VTA1: variants seen among roughly 807,000 people sequenced by gnomAD.
VTA1 encodes vacuolar protein sorting-associated protein VTA1 homolog.
Under a neutral mutation model 36.9 loss-of-function variants are expected in VTA1, and 24 were observed. That is an observed-to-expected ratio of 0.65 (90% CI 0.47 to 0.91). VTA1 has a LOEUF of 0.91. Ranked by LOEUF, VTA1 falls within the 40% of genes least tolerant of loss-of-function variation. The probability of loss-of-function intolerance (pLI) is 0.00; values close to 1 mark genes in which losing one functional copy is unlikely to be tolerated. For missense variants in VTA1, 393 were observed against 377.2 expected (o/e 1.04, Z -0.35); for synonymous variants, 142 against 130.2 (o/e 1.09, Z -0.62).
chr6:142,161,868 T>G (rs1385955168), intron 1 of VTA1, among the ~76,000 whole-genome samples: 1 of 152,180 alleles, frequency 6.6e-6, no homozygotes, highest in Non-Finnish European at 1.5e-5. Context: ...TTATTAATAG[T>G]AGAAAATGTA....
At position 142,220,896 on chromosome 6, in the gene VTA1, A is replaced by C. The variant is rs941300275; in HGVS notation, c.*2253A>C. 6.6e-6 allele frequency: 1 copy of C among 152,016 alleles called. No individual in the cohort carries two copies. The highest frequency in any genetic ancestry group is 2.4e-5 in the African/African-American group (1 of 41,376). 9.4% of individuals were successfully genotyped at this position (152,016 alleles called of 1,614,324 possible). A position where few individuals can be genotyped will look rare whatever the true frequency, so the allele number is the denominator to read the frequency against. On this transcript the variant is annotated 3_prime_UTR_variant, in exon 8 of 8. Transcript: ENST00000367630. ...AGGAAAAAAAGTCCCTCCCTCATAG[A>C]GTTTACATTCTAAAAGGGAGGAAAT... is the stretch of plus-strand genomic sequence containing the variant.
At chr6:142,195,625 G>A (rs530160817) in intron 5 of VTA1, among the ~76,000 whole-genome samples, 2 of 137,600 alleles carry the variant, frequency 1.5e-5, no homozygotes, top group Non-Finnish European at 3.1e-5. Context: ...TAGCTTCTTA[G>A]GGAGGAAATG....
chr6:142,215,914 A>C (rs1775995905), intron 7 of VTA1, among the ~76,000 whole-genome samples: 1 of 152,158 alleles, frequency 6.6e-6, no homozygotes, highest in African/African-American at 2.4e-5. Flanking sequence ...TGATAGTTCT[A>C]GCTCTCTTCT....
intron 7 of VTA1, among the ~76,000 whole-genome samples, chr6:142,213,955 T>C (rs780183924): frequency 6.6e-6 from 1 of 152,202 alleles, no homozygotes; most frequent in Non-Finnish European, 1.5e-5. Context: ...TCTTTACTTA[T>C]GCACATTTGG....
intron 1 of VTA1, among the ~76,000 whole-genome samples, chr6:142,160,940 C>T (rs943346977): frequency 2.0e-5 from 3 of 152,052 alleles, no homozygotes; most frequent in African/African-American, 7.2e-5. Flanking sequence ...ATTTTCATTA[C>T]ATCATTTAAT....
At chr6:142,158,891 TC>T (rs1261765719) in intron 1 of VTA1, among the ~76,000 whole-genome samples, 2 of 152,168 alleles carry the variant, frequency 1.3e-5, no homozygotes, top group East Asian at 3.8e-4. Flanking sequence ...TACTGTCTTT[TC>T]CCCTCTCATA....
At chr6:142,169,813 G>A (rs1358414119) in intron 3 of VTA1, 136 bp downstream of exon 3, 19 of 779,122 alleles carry the variant, frequency 2.4e-5, no homozygotes, top group Admixed American at 1.6e-4. Context: ...CAAACCTCAC[G>A]GTGATTTTAG....
chr6:142,208,326 A>T (rs1775835761), intron 7 of VTA1, among the ~76,000 whole-genome samples: 1 of 152,152 alleles, frequency 6.6e-6, no homozygotes, highest in South Asian at 2.1e-4. Flanking sequence ...TCAACAACAG[A>T]ATGAAGTAAG....
At chr6:142,148,524 A>G (rs1778503850) in intron 1 of VTA1, among the ~76,000 whole-genome samples, 1 of 152,188 alleles carries the variant, frequency 6.6e-6, no homozygotes, top group Non-Finnish European at 1.5e-5. Context: ...GTCCATATTC[A>G]TTCAGTATGT....
At chr6:142,215,313 C>T (rs768175596) in intron 7 of VTA1, among the ~76,000 whole-genome samples, 2 of 151,848 alleles carry the variant, frequency 1.3e-5, no homozygotes, top group African/African-American at 2.4e-5. Flanking sequence ...TGGTGGTGGG[C>T]GCCTGTAGTC....
At chr6:142,159,436 T>A (rs1774737445) in intron 1 of VTA1, among the ~76,000 whole-genome samples, 1 of 150,960 alleles carries the variant, frequency 6.6e-6, no homozygotes, top group South Asian at 2.1e-4. Flanking sequence ...TCTTTTTTGG[T>A]GTCTATACTA....
intron 1 of VTA1, among the ~76,000 whole-genome samples, chr6:142,165,006 T>G (rs73572396): frequency 6.6e-6 from 1 of 152,332 alleles, no homozygotes; most frequent in South Asian, 2.1e-4. Flanking sequence ...ATATCTCTAC[T>G]TCATACAGTA....
Position 142,224,468 on chromosome 6 carries a change from G to A in VTA1, c.*5825G>A, listed in dbSNP as rs1252494702. On this transcript the variant is annotated 3_prime_UTR_variant, in exon 8 of 8. Transcript: ENST00000367630. ...ACAGTAACTTGACAAAATTACTATT[G>A]ATCACTTAACTTTATGTATCACGTA... The A allele has an allele frequency of 6.6e-6, 1 of 152,066 alleles. No homozygotes were observed. The highest frequency in any genetic ancestry group is 1.5e-5 in the Non-Finnish European group (1 of 68,020). The allele number at this position is 152,066 out of a possible 1,614,324, so 9.4% of individuals were successfully genotyped here.
intron 1 of VTA1, among the ~76,000 whole-genome samples, chr6:142,164,058 C>G (rs1041327880): frequency 3.3e-5 from 5 of 152,056 alleles, no homozygotes; most frequent in Admixed American, 1.3e-4. Flanking sequence ...GGTGTTGGCT[C>G]TCTTAGGGGA....
In VTA1 at chr6:142,166,238, C is replaced by T. The variant is rs759923917; in HGVS notation, c.123C>T (p.Tyr41=). Residue 41 remains tyrosine (Y), a synonymous_variant, in exon 2 of 8, where the codon TAC becomes TAT. Transcript: ENST00000367630. ...TACTTTTCTTTCTAGGTCGTTTATACGCAATGCAGACTGGAATGAAGATCG... is the reference window on the plus strand; with the variant it reads ...TACTTTTCTTTCTAGGTCGTTTATATGCAATGCAGACTGGAATGAAGATCG... The part of the protein sequence containing the change: ...DPVVAYYCRL[Y]AMQTGMKIDS... 6.9e-6 allele frequency: 11 copies of T among 1,604,390 alleles called. No homozygotes were observed. Among genetic ancestry groups the T allele is most frequent in the African/African-American group, 4.0e-5 (3 of 74,670 alleles).
rs919728579 is a variant in VTA1 at position 142,221,979 on chromosome 6, A to G, written c.*3336A>G. 5 of 151,880 alleles carry G rather than the reference A, an allele frequency of 3.3e-5. No individual in the cohort carries two copies. Among genetic ancestry groups the G allele is most frequent in the Admixed American group, 6.6e-5 (1 of 15,238 alleles). The allele number at this position is 151,880 out of a possible 1,614,324, so 9.4% of individuals were successfully genotyped here. A position where few individuals can be genotyped will look rare whatever the true frequency, so the allele number is the denominator to read the frequency against. On this transcript the variant is annotated 3_prime_UTR_variant, in exon 8 of 8. Coordinates refer to ENST00000367630, the MANE Select transcript of VTA1 (RefSeq NM_016485.5). ...GAGCGAGACTCCTTCTCAAAAAAAA[A>G]AAAAGTATTACAATAATCAAGGTGA...
At chr6:142,149,948 C>G (rs1778535688) in intron 1 of VTA1, among the ~76,000 whole-genome samples, 2 of 151,990 alleles carry the variant, frequency 1.3e-5, no homozygotes, top group African/African-American at 2.4e-5. Context: ...TCTCTTGATT[C>G]TGTCATTTTT....
intron 6 of VTA1, among the ~76,000 whole-genome samples, chr6:142,199,073 A>G (rs1775626944): frequency 6.6e-6 from 1 of 152,000 alleles, no homozygotes; most frequent in Non-Finnish European, 1.5e-5. Context: ...ATGATGGGGA[A>G]TGGGCTTTGA....
intron 4 of VTA1, among the ~76,000 whole-genome samples, chr6:142,174,200 C>T (rs974507536): frequency 6.6e-6 from 1 of 152,164 alleles, no homozygotes; most frequent in Admixed American, 6.5e-5. Context: ...CAACTCCAAC[C>T]TGTGGGAGCA....
Sources: allele counts gnomAD v4.1 joint callset (sites outside exome capture counted in the v4.1 genomes callset), GRCh38; gene constraint gnomAD v4.1.1; transcripts MANE v1.5; gene names NCBI Gene and HGNC (gene_info 2026-07-23, HGNC 2026-07-21).